Variants in CTSC observed in about 807,000 individuals in gnomAD.
The protein encoded by CTSC is cathepsin C.
Under a neutral mutation model 40.9 loss-of-function variants are expected in CTSC, and 37 were observed. The observed-to-expected ratio is 0.91, with a 90% CI of 0.70 to 1.19. The LOEUF (loss-of-function observed/expected upper bound fraction) is 1.19, where lower values mean the gene tolerates loss of function less well. CTSC is among the 50% of genes most tolerant of loss of function. The probability of loss-of-function intolerance (pLI) is 0.00; values close to 1 mark genes in which losing one functional copy is unlikely to be tolerated. For missense variants in CTSC, 594 were observed against 567.3 expected (o/e 1.05, Z -0.48); for synonymous variants, 232 against 207.4 (o/e 1.12, Z -1.02).
At chr11:88,334,246 C>A (rs1475020449) in intron 2 of CTSC, among the ~76,000 whole-genome samples, 1 of 152,148 alleles carries the variant, frequency 6.6e-6, no homozygotes, top group Non-Finnish European at 1.5e-5. Context: ...AGAAAAGTTC[C>A]AGCTTGTGAA....
At chr11:88,334,904 G>A in intron 2 of CTSC, 33 bp downstream of exon 2, 2 of 1,538,104 alleles carry the variant, frequency 1.3e-6, no homozygotes, top group Non-Finnish European at 1.8e-6. Flanking sequence ...TCAAATCATT[G>A]AAAATGTAAA....
At chr11:88,317,892 A>G (rs1332850740) in intron 2 of CTSC, among the ~76,000 whole-genome samples, 2 of 152,236 alleles carry the variant, frequency 1.3e-5, no homozygotes, top group African/African-American at 4.8e-5. Flanking sequence ...TTAAGTTTAA[A>G]AAACTATTAT....
chr11:88,315,387 A>G (rs572696660), intron 2 of CTSC, among the ~76,000 whole-genome samples: 1 of 152,232 alleles, frequency 6.6e-6, no homozygotes, highest in Non-Finnish European at 1.5e-5. Context: ...GAAAATGCCC[A>G]AATTTAAAAA....
intron 2 of CTSC, chr11:88,328,288 G>T: frequency 1.1e-6 from 1 of 874,346 alleles, no homozygotes; most frequent in Non-Finnish European, 1.9e-6. Context: ...CAGGCACTCA[G>T]TGCTAAACTT....
intron 4 of CTSC, among the ~76,000 whole-genome samples, chr11:88,306,575 A>C (rs1462262969): frequency 6.6e-6 from 1 of 152,184 alleles, no homozygotes; most frequent in Non-Finnish European, 1.5e-5. Flanking sequence ...GGGAAGAGGT[A>C]TTTGAACCCA....
At chr11:88,326,081 C>A (rs927135454) in intron 2 of CTSC, 54 of 1,179,150 alleles carry the variant, frequency 4.6e-5, no homozygotes, top group Non-Finnish European at 5.2e-5. Context: ...AGAAAAAGAA[C>A]AACGTGTTGT....
At chr11:88,328,828 T>A (rs1383118509) in intron 2 of CTSC, among the ~76,000 whole-genome samples, 1 of 152,132 alleles carries the variant, frequency 6.6e-6, no homozygotes, top group Non-Finnish European at 1.5e-5. Context: ...GGTTTCACCA[T>A]GTTGAGGCTG....
intron 2 of CTSC, chr11:88,324,456 A>G: frequency 1.0e-6 from 1 of 980,996 alleles, no homozygotes; most frequent in Non-Finnish European, 1.2e-6. Context: ...GGGAATCAAA[A>G]AAGATGTATA....
At chr11:88,326,178 G>T in intron 2 of CTSC, 1 of 1,368,668 alleles carries the variant, frequency 7.3e-7, no homozygotes, top group South Asian at 2.0e-5. Context: ...CTCCTGTGTA[G>T]TCTCTGGTTG....
At chr11:88,300,441 C>G (rs540278773) in intron 5 of CTSC, 89 bp downstream of exon 5, 1 of 798,146 alleles carries the variant, frequency 1.3e-6, no homozygotes, top group East Asian at 2.6e-5. Flanking sequence ...CCCATTCCAT[C>G]TAGGTATCCC....
At chr11:88,331,311 A>G (rs1482965963) in intron 2 of CTSC, among the ~76,000 whole-genome samples, 3 of 152,172 alleles carry the variant, frequency 2.0e-5, no homozygotes, top group Non-Finnish European at 4.4e-5. Context: ...AGGCCTCCAG[A>G]ACTTCTGATG....
intron 4 of CTSC, among the ~76,000 whole-genome samples, chr11:88,302,056 C>CCT (rs377426178): frequency 6.6e-6 from 1 of 151,848 alleles, no homozygotes; most frequent in Non-Finnish European, 1.5e-5. Flanking sequence ...AAACTCACTT[C>CCT]CTCTCTCTCT....
chr11:88,326,263 C>A, intron 2 of CTSC: 1 of 1,557,660 alleles, frequency 6.4e-7, no homozygotes, highest in South Asian at 1.2e-5. Flanking sequence ...GGTAGGTCAC[C>A]AGGACTCCTT....
At chr11:88,317,163 C>A (rs896064690) in intron 2 of CTSC, among the ~76,000 whole-genome samples, 2 of 152,106 alleles carry the variant, frequency 1.3e-5, no homozygotes, top group South Asian at 2.1e-4. Context: ...GACAGGGTTT[C>A]GCCATGTTGG....
chr11:88,300,138 G>C (rs1176328607), intron 5 of CTSC, among the ~76,000 whole-genome samples: 3 of 152,068 alleles, frequency 2.0e-5, no homozygotes, highest in Non-Finnish European at 2.9e-5. Context: ...TAAATTAATG[G>C]GGGTGGGGGA....
chr11:88,333,900 A>G (rs1311664001), intron 2 of CTSC, among the ~76,000 whole-genome samples: 1 of 150,920 alleles, frequency 6.6e-6, no homozygotes, highest in Non-Finnish European at 1.5e-5. Flanking sequence ...TTTTTTTTCC[A>G]TATTAAAGAA....
intron 2 of CTSC, chr11:88,325,288 T>C (rs1020540128): frequency 1.0e-6 from 1 of 985,292 alleles, no homozygotes; most frequent in Non-Finnish European, 1.2e-6. Flanking sequence ...AGGTAAGTTT[T>C]GGTCTTCAAT....
At chr11:88,294,827 A>G (rs972233920) in intron 6 of CTSC, among the ~76,000 whole-genome samples, 3 of 152,216 alleles carry the variant, frequency 2.0e-5, no homozygotes, top group Admixed American at 2.0e-4. Flanking sequence ...CTGCTTACTT[A>G]CCTGTAAAAT....
intron 5 of CTSC, chr11:88,299,450 G>C (rs1246432894): frequency 6.6e-6 from 1 of 152,142 alleles, no homozygotes; most frequent in Non-Finnish European, 1.5e-5. Flanking sequence ...AGAATAACTG[G>C]TAGAAAAGCA....
Sources: gnomAD v4.1 joint callset for allele counts (sites outside exome capture counted in the v4.1 genomes callset) on GRCh38, gnomAD v4.1.1 for gene constraint, MANE v1.5 for transcripts, NCBI Gene and HGNC (gene_info 2026-07-23, HGNC 2026-07-21) for gene names.